SIPA1L3: variants seen among roughly 807,000 people sequenced by gnomAD.
SIPA1L3 encodes the protein signal-induced proliferation-associated 1-like protein 3.
A neutral mutation model predicts 150.1 loss-of-function variants in SIPA1L3; 59 were observed. That is an observed-to-expected ratio of 0.39 (90% CI 0.32 to 0.49). The LOEUF (loss-of-function observed/expected upper bound fraction) is 0.49, where lower values mean the gene tolerates loss of function less well. Among genes scored for constraint, SIPA1L3 ranks in the 20% least tolerant of loss-of-function variants. The probability of loss-of-function intolerance (pLI) is 0.86; values close to 1 mark genes in which losing one functional copy is unlikely to be tolerated. For missense variants in SIPA1L3, 2,211 were observed against 2,489.5 expected (o/e 0.89, Z 2.38); for synonymous variants, 1,070 against 1,077.6 (o/e 0.99, Z 0.14).
At chr19:38,196,008 C>G (rs962467633) in intron 18 of SIPA1L3, among the ~76,000 whole-genome samples, 2 of 152,134 alleles carry the variant, frequency 1.3e-5, no homozygotes, top group Admixed American at 1.3e-4. Flanking sequence ...ACACCCTTCT[C>G]TGTCCATCTG....
At chr19:38,172,539 C>A (rs888649710) in intron 15 of SIPA1L3, among the ~76,000 whole-genome samples, 2 of 152,026 alleles carry the variant, frequency 1.3e-5, no homozygotes, top group Non-Finnish European at 2.9e-5. Context: ...GGAGGTGATG[C>A]GTTGTAGGAA....
intron 9 of SIPA1L3, among the ~76,000 whole-genome samples, chr19:38,121,778 G>A (rs573840140): frequency 6.6e-6 from 1 of 152,020 alleles, no homozygotes; most frequent in East Asian, 1.9e-4. Context: ...AAATTAGCTG[G>A]GCATGGTGGT....
intron 6 of SIPA1L3, 119 bp downstream of exon 6, chr19:38,101,345 T>A (rs1970498982): frequency 7.6e-6 from 5 of 657,084 alleles, no homozygotes; most frequent in Non-Finnish European, 1.2e-5. Context: ...GCTCTCAGAC[T>A]TCACTTGTAG....
intron 8 of SIPA1L3, among the ~76,000 whole-genome samples, chr19:38,117,543 C>T (rs185437493): frequency 5.9e-5 from 9 of 151,844 alleles, no homozygotes; most frequent in Non-Finnish European, 1.2e-4. Flanking sequence ...TGCTTGACCC[C>T]GGGAGGCGGA....
intron 12 of SIPA1L3, among the ~76,000 whole-genome samples, chr19:38,145,356 AC>A (rs1412680195): frequency 7.9e-5 from 12 of 151,814 alleles, no homozygotes; most frequent in Non-Finnish European, 8.8e-5. Context: ...ACATGATGAA[AC>A]CCCGTCTCTA....
intron 10 of SIPA1L3, among the ~76,000 whole-genome samples, chr19:38,135,626 G>A (rs928110801): frequency 2.0e-5 from 3 of 152,212 alleles, no homozygotes; most frequent in African/African-American, 7.2e-5. Context: ...GGGAGACAGG[G>A]CCAGGGAGAG....
intron 15 of SIPA1L3, among the ~76,000 whole-genome samples, chr19:38,176,758 G>A (rs1195284300): frequency 1.3e-5 from 2 of 152,046 alleles, no homozygotes; most frequent in East Asian, 3.9e-4. Flanking sequence ...GATCACCTGA[G>A]GTCAGCAGTT....
chr19:37,960,044 G>C (rs1340694899), intron 1 of SIPA1L3, among the ~76,000 whole-genome samples: 2 of 151,752 alleles, frequency 1.3e-5, no homozygotes, highest in Non-Finnish European at 2.9e-5. Flanking sequence ...TTTTAAATCA[G>C]TCGAGAAGAA....
At chr19:38,095,054 G>A (rs1483725200) in intron 4 of SIPA1L3, among the ~76,000 whole-genome samples, 2 of 152,126 alleles carry the variant, frequency 1.3e-5, no homozygotes. Context: ...CAGCCTGGGC[G>A]ACAAGAGCGA....
Position 38,110,147 on chromosome 19 carries a change from G to T in SIPA1L3, c.2134-80G>T, listed in dbSNP as rs1970705442. The T allele has an allele frequency of 2.9e-6, 4 of 1,389,476 alleles. No individual in the cohort carries two copies. The Admixed American group carries it at 7.1e-5, about 24-fold the overall frequency. The allele number at this position is 1,389,476 out of a possible 1,614,324, so 86.1% of individuals were successfully genotyped here. A position where few individuals can be genotyped will look rare whatever the true frequency, so the allele number is the denominator to read the frequency against. ...GAGTGGGAATGGGGGTGGGTGGGGG[G>T]AGCTGTGGCAGTGGTCCAGGCAGGA... On this transcript the variant is annotated intron_variant, in intron 7 of 21. Transcript: ENST00000222345.
intron 4 of SIPA1L3, among the ~76,000 whole-genome samples, chr19:38,095,556 C>T (rs1299455700): frequency 6.6e-6 from 1 of 152,190 alleles, no homozygotes; most frequent in Admixed American, 6.5e-5. Context: ...TTGCCCTCGA[C>T]TAGCTGATGC....
At chr19:38,141,565 C>A in intron 11 of SIPA1L3, 130 bp downstream of exon 11, 1 of 990,896 alleles carries the variant, frequency 1.0e-6, no homozygotes, top group Non-Finnish European at 1.5e-6. Flanking sequence ...CCTTCTTATC[C>A]TTATGTCTCC....
intron 13 of SIPA1L3, among the ~76,000 whole-genome samples, chr19:38,160,611 G>C (rs1193495621): frequency 6.6e-6 from 1 of 150,382 alleles, no homozygotes; most frequent in Non-Finnish European, 1.5e-5. Context: ...CACCATGTTG[G>C]ACAGGATGGT....
intron 1 of SIPA1L3, among the ~76,000 whole-genome samples, chr19:37,925,557 G>A (rs2046495842): frequency 6.6e-6 from 1 of 151,178 alleles, no homozygotes; most frequent in Non-Finnish European, 1.5e-5. Context: ...TGATTGAGAA[G>A]GTTAAGATTT....
chr19:37,923,323 C>T (rs1187042141), intron 1 of SIPA1L3, among the ~76,000 whole-genome samples: 1 of 152,178 alleles, frequency 6.6e-6, no homozygotes, highest in Non-Finnish European at 1.5e-5. Context: ...TGCTGCGAAG[C>T]TAGATGGCAC....
intron 2 of SIPA1L3, among the ~76,000 whole-genome samples, chr19:38,040,456 G>A (rs1455456460): frequency 3.3e-5 from 5 of 151,960 alleles, no homozygotes; most frequent in African/African-American, 4.8e-5. Flanking sequence ...AGATGTTTAA[G>A]GACAGTTACT....
intron 2 of SIPA1L3, among the ~76,000 whole-genome samples, chr19:38,059,710 A>G (rs1229561471): frequency 1.3e-5 from 2 of 152,070 alleles, no homozygotes; most frequent in African/African-American, 4.8e-5. Context: ...CACTCAGGTA[A>G]CCCGGGTCCA....
intron 1 of SIPA1L3, among the ~76,000 whole-genome samples, chr19:37,946,476 CCAAAGTAACTAATAAT>C (rs1440592145): frequency 6.6e-6 from 1 of 152,162 alleles, no homozygotes; most frequent in Non-Finnish European, 1.5e-5. Flanking sequence ...CCAAAAGTTA[CCAAAGTAACTAATAAT>C]TTACATTTAT....
At chr19:38,061,544 A>ATG (rs957991532) in intron 2 of SIPA1L3, among the ~76,000 whole-genome samples, 19 of 152,050 alleles carry the variant, frequency 1.2e-4, no homozygotes, top group African/African-American at 4.4e-4. Flanking sequence ...GAAGCCAGAA[A>ATG]TGTGCAGGGC....
Sources: allele counts gnomAD v4.1 joint callset (sites outside exome capture counted in the v4.1 genomes callset), GRCh38; gene constraint gnomAD v4.1.1; transcripts MANE v1.5; gene names NCBI Gene and HGNC (gene_info 2026-07-23, HGNC 2026-07-21).